Variants in TRNT1 observed in about 807,000 individuals in gnomAD.
The protein encoded by TRNT1 is tRNA nucleotidyl transferase 1.
A neutral mutation model predicts 45.6 loss-of-function variants in TRNT1; 44 were observed. The observed-to-expected ratio is 0.97, with a 90% CI of 0.76 to 1.24. The LOEUF (loss-of-function observed/expected upper bound fraction) is 1.24. Ranked by LOEUF, TRNT1 falls within the 50% of genes most tolerant of loss-of-function variation. The probability of loss-of-function intolerance (pLI) is 0.00; values close to 1 mark genes in which losing one functional copy is unlikely to be tolerated. For synonymous variants in TRNT1, 201 were observed against 171.4 expected (o/e 1.17, Z -1.35); for missense variants, 633 against 504.4 (o/e 1.25, Z -2.44).
At chr3:3,146,905 A>C (rs1706066003) in intron 6 of TRNT1, among the ~76,000 whole-genome samples, 1 of 152,204 alleles carries the variant, frequency 6.6e-6, no homozygotes. Context: ...TTCTAACCCA[A>C]AAAAGCGGTT....
Position 3,148,145 on chromosome 3 carries a change from G to A in TRNT1, c.1296G>A (p.Lys432=), listed in dbSNP as rs1014393756. The change falls in exon 8 of 8, where the codon AAG becomes AAA. Residue 432 remains lysine, a synonymous_variant. Transcript: ENST00000251607. Reference sequence around the variant, plus strand: ...AAGATGAACTTCTGAGTTACATAAAGAAGACCTAAAACTGATGGCTACTAA... The same window carrying A: ...AAGATGAACTTCTGAGTTACATAAAAAAGACCTAAAACTGATGGCTACTAA... ...MEKDELLSYI[K]KT 2 of 1,613,006 alleles carry A rather than the reference G, an allele frequency of 1.2e-6. No individual in the cohort carries two copies. Among genetic ancestry groups the A allele is most frequent in the African/African-American group, 1.3e-5 (1 of 74,800 alleles).
At chr3:3,150,964 T>TA (rs1466269895), downstream of TRNT1, 1 of 1,614,068 alleles carries the variant, frequency 6.2e-7, no homozygotes, top group Non-Finnish European at 8.5e-7. Flanking sequence ...ATTTTTGAGG[T>TA]GACATGTCTT....
At chr3:3,150,864 T>C (rs547145998), downstream of TRNT1, 1 of 1,613,048 alleles carries the variant, frequency 6.2e-7, no homozygotes, top group South Asian at 1.1e-5. Flanking sequence ...ATCACATCTG[T>C]TTACAAGCAA....
At chr3:3,152,838 A>G (rs1706674635), downstream of TRNT1, 2 of 519,484 alleles carry the variant, frequency 3.8e-6, no homozygotes, top group South Asian at 2.1e-5. Flanking sequence ...TGTTTTTAAA[A>G]CCCTCCTCAA....
intron 3 of TRNT1, among the ~76,000 whole-genome samples, chr3:3,137,820 T>C (rs1269834150): frequency 6.6e-6 from 1 of 152,226 alleles, no homozygotes; most frequent in Non-Finnish European, 1.5e-5. Context: ...TATATCATAA[T>C]TTTTGGTTAA....
chr3:3,147,122 G>A (rs996003151), intron 6 of TRNT1, among the ~76,000 whole-genome samples: 5 of 152,128 alleles, frequency 3.3e-5, no homozygotes, highest in Admixed American at 6.5e-5. Context: ...ATTACTGAAT[G>A]GGGGGTGGAT....
At chr3:3,137,477 A>G in intron 3 of TRNT1, 24 bp downstream of exon 3, 2 of 1,548,252 alleles carry the variant, frequency 1.3e-6, no homozygotes, top group South Asian at 1.2e-5. Context: ...TTGACAGGTA[A>G]TTACATTGCT....
At chr3:3,128,184 G>A (rs1190265006) in intron 1 of TRNT1, among the ~76,000 whole-genome samples, 1 of 152,150 alleles carries the variant, frequency 6.6e-6, no homozygotes, top group African/African-American at 2.4e-5. Flanking sequence ...ATTCTCTCCT[G>A]CTAAATCATG....
downstream of TRNT1, chr3:3,153,391 G>A (rs202139535): frequency 1.5e-5 from 17 of 1,144,064 alleles, no homozygotes; most frequent in African/African-American, 2.0e-4. Flanking sequence ...TTCTGATAAG[G>A]CAAGTATATT....
downstream of TRNT1, chr3:3,150,277 C>CA (rs200243789): frequency 8.2e-3 from 1,251 of 152,186 alleles, 10 homozygotes; most frequent in Non-Finnish European, 0.014. Context: ...TTCGTGGGCT[C>CA]AAAAAACTGC....
intron 4 of TRNT1, among the ~76,000 whole-genome samples, chr3:3,141,170 T>C (rs182575173): frequency 6.6e-6 from 1 of 152,342 alleles, no homozygotes; most frequent in Non-Finnish European, 1.5e-5. Context: ...AATATTGGCT[T>C]CCTTTGTACC....
intron 2 of TRNT1, among the ~76,000 whole-genome samples, chr3:3,132,973 A>G (rs180812687): frequency 1.3e-4 from 20 of 152,238 alleles, no homozygotes; most frequent in East Asian, 7.8e-4. Context: ...TAGAATGTCA[A>G]AGACTTGGGT....
chr3:3,143,655 A>G (rs1206795836), intron 4 of TRNT1, among the ~76,000 whole-genome samples: 1 of 152,274 alleles, frequency 6.6e-6, no homozygotes, highest in Middle Eastern at 3.4e-3. Context: ...AGGCATGCAG[A>G]TCACTTGATG....
At chr3:3,150,012 T>TAA (rs1010912949), downstream of TRNT1, 1 of 152,166 alleles carries the variant, frequency 6.6e-6, no homozygotes, top group Non-Finnish European at 1.5e-5. Flanking sequence ...AAGAACATGT[T>TAA]TAGTTTCACA....
At chr3:3,151,940 G>A (rs987053425), downstream of TRNT1, among the ~76,000 whole-genome samples, 1 of 152,124 alleles carries the variant, frequency 6.6e-6, no homozygotes, top group African/African-American at 2.4e-5. Context: ...ACAGAATATG[G>A]TCCAGATATA....
Position 3,129,200 on chromosome 3 carries a change from G to T in TRNT1, c.148+12G>T, listed in dbSNP as rs1342768108. The T allele has an allele frequency of 1.2e-6, 2 of 1,613,138 alleles. No individual in the cohort carries two copies. The highest frequency in any genetic ancestry group is 1.1e-5 in the South Asian group (1 of 91,026). On this transcript the variant is annotated intron_variant, in intron 2 of 7. Coordinates refer to ENST00000251607, the MANE Select transcript of TRNT1 (RefSeq NM_182916.3). ...GAAGAGTCTGACAGGTGAGAGATTA[G>T]GATACCTTTTCTTGATTGGAAACCT...
At chr3:3,138,269 A>G (rs1187316079) in intron 3 of TRNT1, among the ~76,000 whole-genome samples, 3 of 152,156 alleles carry the variant, frequency 2.0e-5, no homozygotes, top group Non-Finnish European at 2.9e-5. Context: ...TGGTGGTTTG[A>G]TAGTTACGGT....
chr3:3,147,427 G>A, intron 6 of TRNT1, 23 bp from the exon 7 acceptor site: 1 of 1,607,970 alleles, frequency 6.2e-7, no homozygotes. Context: ...AAAAACAGGT[G>A]AAAAATGCTT....
At chr3:3,139,452 T>A (rs1013799554) in intron 3 of TRNT1, among the ~76,000 whole-genome samples, 2 of 152,188 alleles carry the variant, frequency 1.3e-5, no homozygotes, top group Non-Finnish European at 2.9e-5. Flanking sequence ...ATAAAGACAT[T>A]CCTAACTCTT....
Sources: gnomAD v4.1 joint callset for allele counts (sites outside exome capture counted in the v4.1 genomes callset) on GRCh38, gnomAD v4.1.1 for gene constraint, MANE v1.5 for transcripts, NCBI Gene and HGNC (gene_info 2026-07-23, HGNC 2026-07-21) for gene names.